The following BBX variants were observed in gnomAD, a reference collection of about 807,000 sequenced individuals.
BBX encodes the protein HMG box transcription factor BBX.
In BBX, 30 loss-of-function variants were observed where a neutral mutation model predicts 100.2. The observed-to-expected ratio is 0.30, with a 90% CI of 0.22 to 0.41. BBX has a LOEUF of 0.41. Ranked by LOEUF, BBX falls within the 10% of genes least tolerant of loss-of-function variation. BBX has a pLI of 1.00. For missense variants in BBX, 1,023 were observed against 1,129.8 expected, an observed-to-expected ratio of 0.91 and a Z score of 1.35; for synonymous variants, 376 against 388.1, an observed-to-expected ratio of 0.97 and a Z score of 0.37.
chr3:107,585,493 C>A (rs2052763548), intron 2 of BBX, among the ~76,000 whole-genome samples: 1 of 152,178 alleles, frequency 6.6e-6, no homozygotes, highest in East Asian at 1.9e-4. Context: ...TATATGAAAG[C>A]AAGAACAATT....
chr3:107,721,229 CTA>C (rs1420744238), intron 5 of BBX, among the ~76,000 whole-genome samples: 5 of 152,094 alleles, frequency 3.3e-5, no homozygotes, highest in Admixed American at 6.6e-5. Flanking sequence ...CTTTAACACA[CTA>C]TTTCCACAGG....
Position 107,708,632 on chromosome 3 carries a change from C to T in BBX, c.-9-1820C>T, listed in dbSNP as rs142872177. Among the ~76,000 whole-genome samples the T allele has an allele frequency of 1.2e-3, 173 of 149,832 alleles. 2 individuals carry two copies. The East Asian group carries it at 0.03, about 26-fold the overall frequency. ...GAGGTTGCAGTGAGCTGAGATCGCA[C>T]CACTGCACTCCAACCTAGGCAACAT... On this transcript the variant is annotated intron_variant, in intron 3 of 17. Transcript: ENST00000325805.
At chr3:107,647,221 A>G (rs184247427) in intron 3 of BBX, among the ~76,000 whole-genome samples, 15 of 152,274 alleles carry the variant, frequency 9.9e-5, no homozygotes, top group African/African-American at 3.6e-4. Flanking sequence ...GTATGTTCTC[A>G]TTTGCTAATC....
chr3:107,585,418 A>T (rs1369576316), intron 2 of BBX, among the ~76,000 whole-genome samples: 1 of 152,180 alleles, frequency 6.6e-6, no homozygotes, highest in Non-Finnish European at 1.5e-5. Context: ...GTATCTTCAT[A>T]CCCAAGTAGA....
chr3:107,544,055 G>A (rs997511249), intron 2 of BBX, among the ~76,000 whole-genome samples: 20 of 152,124 alleles, frequency 1.3e-4, no homozygotes, highest in African/African-American at 4.8e-4. Context: ...ATATTTGTAA[G>A]TTTTATTTGG....
intron 2 of BBX, among the ~76,000 whole-genome samples, chr3:107,639,809 T>A (rs1429445387): frequency 3.3e-5 from 5 of 152,162 alleles, no homozygotes; most frequent in African/African-American, 1.2e-4. Flanking sequence ...TTGAAATTGG[T>A]AGGGTTAAAA....
rs140517690 is a variant in BBX, at chr3:107,704,852, C to T, written c.-9-5600C>T. Reference sequence around the variant, plus strand: ...CTAACAGAATCAAGTACAATCAAAGCTCATAGCAGAGTGATGGACTTTGAC... The same window carrying T: ...CTAACAGAATCAAGTACAATCAAAGTTCATAGCAGAGTGATGGACTTTGAC... On this transcript the variant is annotated intron_variant, in intron 3 of 17. Transcript: ENST00000325805. 9.2e-5 allele frequency among the ~76,000 whole-genome samples: 14 copies of T among 152,192 alleles called. No homozygotes were observed. The East Asian group carries it at 2.7e-3, about 29-fold the overall frequency.
intron 4 of BBX, among the ~76,000 whole-genome samples, chr3:107,713,083 C>A (rs1343380309): frequency 3.3e-5 from 5 of 152,214 alleles, no homozygotes; most frequent in African/African-American, 1.2e-4. Flanking sequence ...TGGCTGATTT[C>A]TCTCATTTGA....
At chr3:107,642,662 G>GA (rs1330718507) in intron 2 of BBX, among the ~76,000 whole-genome samples, 3 of 152,150 alleles carry the variant, frequency 2.0e-5, no homozygotes, top group African/African-American at 7.2e-5. Flanking sequence ...TTTAAGGTAT[G>GA]AAAGCATGAG....
At position 107,630,415 on chromosome 3, in the gene BBX, G is replaced by A. The variant is rs559693594; in HGVS notation, c.-83-15421G>A. On this transcript the variant is annotated intron_variant, in intron 2 of 17. Transcript: ENST00000325805. The stretch of plus-strand genomic sequence containing the variant: ...TCCTCCCCACTCCTTTGCACGATGC[G>A]AGGGGGGAACTCTGGTATTATTTGG... Among the ~76,000 whole-genome samples the A allele has an allele frequency of 2.4e-4, 37 of 152,000 alleles. No individual in the cohort carries two copies. The South Asian group carries it at 5.0e-3, about 20-fold the overall frequency.
chr3:107,796,164 G>A (rs1021922940), intron 15 of BBX, among the ~76,000 whole-genome samples: 1 of 152,220 alleles, frequency 6.6e-6, no homozygotes, highest in Non-Finnish European at 1.5e-5. Context: ...AAATTTAAAA[G>A]TCAGTAGTAG....
chr3:107,565,177 C>T (rs1315742903), intron 2 of BBX, among the ~76,000 whole-genome samples: 3 of 151,992 alleles, frequency 2.0e-5, no homozygotes, highest in African/African-American at 7.2e-5. Flanking sequence ...TATATGTGGC[C>T]ACCTTGTAAA....
In BBX at chr3:107,807,013, A is replaced by G. The variant is rs749839504; in HGVS notation, c.*1556A>G. ...ATGGTTTTATCTAGCTTTCTTATTT[A>G]TACTTGACTGAATTGTAATGATTTT... On this transcript the variant is annotated 3_prime_UTR_variant, in exon 18 of 18. Coordinates refer to ENST00000325805, the MANE Select transcript of BBX (RefSeq NM_001142568.3). 11 of 151,918 alleles carry G rather than the reference A, an allele frequency of 7.2e-5. No homozygotes were observed. The highest frequency in any genetic ancestry group is 3.3e-4 in the Admixed American group (5 of 15,224). 9.4% of individuals were successfully genotyped at this position (151,918 alleles called of 1,614,324 possible).
rs1468325223 is a variant in BBX, at chr3:107,613,707, A to T, written c.-83-32129A>T. Among the ~76,000 whole-genome samples, 4 of 152,238 alleles carry T rather than the reference A, an allele frequency of 2.6e-5. No homozygotes were observed. In the South Asian group the frequency reaches 8.3e-4, roughly 32 times the overall value. ...CAATACATATGCTTTTTGTTGTAGAATTTTAAAATGTAAAGATTTAAAACC... is the reference window on the plus strand; with the variant it reads ...CAATACATATGCTTTTTGTTGTAGATTTTTAAAATGTAAAGATTTAAAACC... On this transcript the variant is annotated intron_variant, in intron 2 of 17. Coordinates refer to ENST00000325805, the MANE Select transcript of BBX (RefSeq NM_001142568.3).
At position 107,798,508 on chromosome 3, in the gene BBX, T is replaced by C; in HGVS notation, c.2354-15T>C. 1 of 1,610,458 alleles carries C rather than the reference T, an allele frequency of 6.2e-7. No individual in the cohort carries two copies. Among genetic ancestry groups the C allele is most frequent in the Non-Finnish European group, 8.5e-7 (1 of 1,176,708 alleles). ...TGTTTTTGTGCATAACTATGCATGGTATTTCCTATTTCAGCCATATTTTCA... is the reference window on the plus strand; with the variant it reads ...TGTTTTTGTGCATAACTATGCATGGCATTTCCTATTTCAGCCATATTTTCA... On this transcript the variant is annotated splice_polypyrimidine_tract_variant and intron_variant, in intron 15 of 17. Transcript: ENST00000325805.
rs577826505 is a variant in BBX, at chr3:107,682,836, C to T, written c.-9-27616C>T. ...TTTGAACAAGTGTGAAAAGATGTCACGTTGTCACAGAAAGGATCAGAAAGA... is the reference window on the plus strand; with the variant it reads ...TTTGAACAAGTGTGAAAAGATGTCATGTTGTCACAGAAAGGATCAGAAAGA... On this transcript the variant is annotated intron_variant, in intron 3 of 17. Transcript: ENST00000325805. 7.4e-4 allele frequency among the ~76,000 whole-genome samples: 112 copies of T among 152,228 alleles called. 1 individual carries two copies. Among genetic ancestry groups the T allele is most frequent in the African/African-American group, 2.4e-3 (101 of 41,556 alleles).
chr3:107,789,559 A>G (rs2068773945), intron 13 of BBX, among the ~76,000 whole-genome samples: 1 of 152,184 alleles, frequency 6.6e-6, no homozygotes, highest in African/African-American at 2.4e-5. Flanking sequence ...TCCCAGCCCT[A>G]ATGGAGGCTT....
At chr3:107,554,288 C>G (rs1223143641) in intron 2 of BBX, among the ~76,000 whole-genome samples, 1 of 152,112 alleles carries the variant, frequency 6.6e-6, no homozygotes, top group Non-Finnish European at 1.5e-5. Context: ...TTGGCTGTTA[C>G]TTGTGGAAAA....
chr3:107,523,306 C>A, intron 1 of BBX, 199 bp downstream of exon 1: 1 of 166,276 alleles, frequency 6.0e-6, no homozygotes, highest in South Asian at 1.2e-4. Flanking sequence ...GAGCCGCCGC[C>A]AGCCGGCCCG....
Sources: gnomAD v4.1 joint callset for allele counts (sites outside exome capture counted in the v4.1 genomes callset) on GRCh38, gnomAD v4.1.1 for gene constraint, MANE v1.5 for transcripts, NCBI Gene and HGNC (gene_info 2026-07-23, HGNC 2026-07-21) for gene names.